Variants in RBFOX3 observed in about 807,000 individuals in gnomAD.
RBFOX3 encodes RNA binding protein fox-1 homolog 3.
RBFOX3 carries 17 observed loss-of-function variants against 48.7 expected under a neutral mutation model. That is an observed-to-expected ratio of 0.35 (90% CI 0.24 to 0.52). RBFOX3 has a LOEUF of 0.52. Among genes scored for constraint, RBFOX3 ranks in the 20% least tolerant of loss-of-function variants. The pLI is 0.94. For missense variants in RBFOX3, 382 were observed against 497.5 expected (o/e 0.77, Z 2.21); for synonymous variants, 212 against 209.5 (o/e 1.01, Z -0.10).
rs1290763036 is a variant in RBFOX3, at chr17:79,390,145, A to G, written c.-174-82321T>C. Among the ~76,000 whole-genome samples the G allele has an allele frequency of 1.3e-5, 2 of 152,192 alleles. No homozygotes were observed. Among genetic ancestry groups the G allele is most frequent in the African/African-American group, 4.8e-5 (2 of 41,442 alleles). ...CGAGGGGCTGGGTCCACAGAGGAGGACCAGCAGCAGTGAAGGGCAAGTCCA... is the reference window on the plus strand; with the variant it reads ...CGAGGGGCTGGGTCCACAGAGGAGGGCCAGCAGCAGTGAAGGGCAAGTCCA... On this transcript the variant is annotated intron_variant, in intron 2 of 14. Coordinates refer to ENST00000693108, the MANE Select transcript of RBFOX3 (RefSeq NM_001350451.2). This position sits in a 1 kb window ranked among gnomAD's most constrained non-coding sequence, Gnocchi z 4.2.
At chr17:79,267,395 T>C (rs73416115) in intron 3 of RBFOX3, among the ~76,000 whole-genome samples, 3,065 of 150,646 alleles carry the variant, frequency 0.02, 96 homozygotes, top group African/African-American at 0.07. Context: ...CTCTCTCTCT[T>C]TTTTTTTTGA....
intron 4 of RBFOX3, among the ~76,000 whole-genome samples, chr17:79,117,396 G>A (rs113922271): frequency 0.028 from 4,259 of 152,262 alleles, 79 homozygotes; most frequent in Non-Finnish European, 0.045. Context: ...CCTCACCTGC[G>A]CCTCCACCCC....
chr17:79,129,512 G>GA (rs2038251365), intron 4 of RBFOX3, among the ~76,000 whole-genome samples: 1 of 103,670 alleles, frequency 9.6e-6, no homozygotes, highest in African/African-American at 3.2e-5. Flanking sequence ...TGAGCCAGTT[G>GA]TCCAGGCTTC....
the RBFOX3 span, among the ~76,000 whole-genome samples, chr17:79,621,974 A>G: frequency 1.3e-5 from 2 of 152,208 alleles, no homozygotes; most frequent in African/African-American, 4.8e-5. Flanking sequence ...AGCTAATCTC[A>G]GACCTCTCAG....
At chr17:79,563,572 A>C (rs897619352) in intron 1 of RBFOX3, among the ~76,000 whole-genome samples, 1 of 152,264 alleles carries the variant, frequency 6.6e-6, no homozygotes, top group Admixed American at 6.5e-5. Context: ...CTTTGCTAAC[A>C]ATCTGGGAAA....
intron 4 of RBFOX3, among the ~76,000 whole-genome samples, chr17:79,122,610 A>G (rs113991812): frequency 0.05 from 7,673 of 152,338 alleles, 309 homozygotes; most frequent in Non-Finnish European, 0.079. Flanking sequence ...GCTGGCGGGA[A>G]TATAAATTAG....
At chr17:79,594,690 G>C (rs2093520716) in intron 1 of RBFOX3, among the ~76,000 whole-genome samples, 1 of 152,248 alleles carries the variant, frequency 6.6e-6, no homozygotes, top group African/African-American at 2.4e-5. Flanking sequence ...ACATCAATGT[G>C]ACGTCTAACA....
chr17:79,182,002 A>AC (rs2052090669), intron 4 of RBFOX3, among the ~76,000 whole-genome samples: 2 of 113,228 alleles, frequency 1.8e-5, no homozygotes, highest in Non-Finnish European at 3.9e-5. Context: ...CACACACACA[A>AC]ACACACAATC....
intron 2 of RBFOX3, among the ~76,000 whole-genome samples, chr17:79,309,106 C>CAAAAA (rs5822288): frequency 6.9e-6 from 1 of 143,892 alleles, no homozygotes; most frequent in Non-Finnish European, 1.5e-5. Flanking sequence ...GACTCTGTCT[C>CAAAAA]AAAAAAAAAA....
chr17:79,286,119 G>A (rs954642923), intron 3 of RBFOX3, among the ~76,000 whole-genome samples: 4 of 152,170 alleles, frequency 2.6e-5, no homozygotes, highest in African/African-American at 7.2e-5. Flanking sequence ...CTGGTGCAGA[G>A]TCTATTGCAA....
At chr17:79,385,051 C>T (rs985335341) in intron 2 of RBFOX3, among the ~76,000 whole-genome samples, 3 of 152,344 alleles carry the variant, frequency 2.0e-5, no homozygotes, top group African/African-American at 4.8e-5. Context: ...CAACATTTCC[C>T]GGCCCCTGCC....
chr17:79,651,067 C>A, the RBFOX3 span, among the ~76,000 whole-genome samples: 4 of 152,230 alleles, frequency 2.6e-5, no homozygotes, highest in Non-Finnish European at 2.9e-5. Flanking sequence ...CCTCAGAGGT[C>A]CCTGCAGGGT....
chr17:79,626,307 C>T, the RBFOX3 span, among the ~76,000 whole-genome samples: 5 of 152,170 alleles, frequency 3.3e-5, no homozygotes, highest in Non-Finnish European at 7.4e-5. Context: ...AGCAGTGCCT[C>T]CTAGCCACTT....
chr17:79,488,054 A>G (rs1448599764), intron 1 of RBFOX3, among the ~76,000 whole-genome samples: 1 of 152,146 alleles, frequency 6.6e-6, no homozygotes, highest in African/African-American at 2.4e-5. Context: ...CCCATTCTAC[A>G]TGGCAAAGCA....
At chr17:79,565,240 C>G (rs1263266779) in intron 1 of RBFOX3, among the ~76,000 whole-genome samples, 1 of 151,966 alleles carries the variant, frequency 6.6e-6, no homozygotes, top group Non-Finnish European at 1.5e-5. Context: ...TTGTTCCCAT[C>G]TCTACCCTCT....
chr17:79,556,820 C>T (rs1298700837), intron 1 of RBFOX3, among the ~76,000 whole-genome samples: 5 of 152,068 alleles, frequency 3.3e-5, no homozygotes, highest in African/African-American at 4.8e-5. Flanking sequence ...CGAAGGGGAG[C>T]GTGGGGAAGG....
intron 1 of RBFOX3, among the ~76,000 whole-genome samples, chr17:79,586,135 C>T (rs2093242276): frequency 6.6e-6 from 1 of 152,232 alleles, no homozygotes; most frequent in African/African-American, 2.4e-5. Flanking sequence ...GCAGGGTCTA[C>T]TTCCTTGCCC....
At chr17:79,381,259 CAA>C (rs35928942) in intron 2 of RBFOX3, among the ~76,000 whole-genome samples, 14,124 of 146,448 alleles carry the variant, frequency 0.096, 780 homozygotes, top group Non-Finnish European at 0.13. Flanking sequence ...GACTCTGTCT[CAA>C]AAAAAAAAAA....
intron 2 of RBFOX3, among the ~76,000 whole-genome samples, chr17:79,402,179 G>A (rs1027658554): frequency 2.6e-5 from 4 of 152,220 alleles, no homozygotes; most frequent in Admixed American, 2.6e-4. Flanking sequence ...AAGGGAAGGG[G>A]CTCTGCAAGG....
Sources: allele counts gnomAD v4.1 joint callset (sites outside exome capture counted in the v4.1 genomes callset), GRCh38; gene constraint gnomAD v4.1.1; non-coding constraint Gnocchi (gnomAD v3.1); transcripts MANE v1.5; gene names NCBI Gene and HGNC (gene_info 2026-07-23, HGNC 2026-07-21).